VSTM4: variants seen among roughly 807,000 people sequenced by gnomAD.
The protein encoded by VSTM4 is V-set and transmembrane domain containing 4.
Under a neutral mutation model 36.4 loss-of-function variants are expected in VSTM4, and 20 were observed. That is an observed-to-expected ratio of 0.55 (90% CI 0.39 to 0.80). The LOEUF (loss-of-function observed/expected upper bound fraction) is 0.80, where lower values mean the gene tolerates loss of function less well. Among genes scored for constraint, VSTM4 ranks in the 30% least tolerant of loss-of-function variants. VSTM4 has a pLI of 0.00. For synonymous variants in VSTM4, 182 were observed against 173.9 expected, an observed-to-expected ratio of 1.05 and a Z score of -0.37; for missense variants, 392 against 404.5, an observed-to-expected ratio of 0.97 and a Z score of 0.26.
chr10:49,047,074 C>T (rs749408533), intron 6 of VSTM4, 30 bp from the exon 7 acceptor site: 2 of 1,604,992 alleles, frequency 1.2e-6, no homozygotes, highest in Non-Finnish European at 1.7e-6. Flanking sequence ...GTTTAGCTTG[C>T]AGTTCCTCCC....
chr10:49,081,789 CACA>C (rs1445146501), intron 3 of VSTM4, among the ~76,000 whole-genome samples: 8 of 152,244 alleles, frequency 5.3e-5, no homozygotes, highest in Non-Finnish European at 1.0e-4. Context: ...TCCCCACACA[CACA>C]AGACCGGTCA....
chr10:49,021,677 C>A (rs1843183978), intron 7 of VSTM4, among the ~76,000 whole-genome samples: 1 of 151,842 alleles, frequency 6.6e-6, no homozygotes, highest in African/African-American at 2.4e-5. Context: ...ATTTATTTGT[C>A]TTTCAAGTTG....
chr10:49,107,502 GC>G, intron 2 of VSTM4, 91 bp downstream of exon 2: 1 of 1,482,008 alleles, frequency 6.7e-7, no homozygotes, highest in South Asian at 1.4e-5. Flanking sequence ...GTGCAACACA[GC>G]CAACCCGGGA....
chr10:49,094,011 T>C (rs539418264), intron 2 of VSTM4, among the ~76,000 whole-genome samples: 2 of 152,284 alleles, frequency 1.3e-5, no homozygotes, highest in South Asian at 4.1e-4. Context: ...CCTCCCAAAG[T>C]GCTGGGATTA....
intron 7 of VSTM4, among the ~76,000 whole-genome samples, chr10:49,032,553 G>C (rs553048420): frequency 6.6e-6 from 1 of 152,258 alleles, no homozygotes; most frequent in Non-Finnish European, 1.5e-5. Context: ...TGCAACTTCA[G>C]CTCCTAGAAA....
At chr10:49,051,347 A>G (rs1490074106) in intron 5 of VSTM4, among the ~76,000 whole-genome samples, 2 of 150,448 alleles carry the variant, frequency 1.3e-5, no homozygotes, top group African/African-American at 2.5e-5. Context: ...GCAATATGCA[A>G]TTACCCTTCC....
At chr10:49,051,955 T>TG (rs1554831241) in intron 5 of VSTM4, among the ~76,000 whole-genome samples, 1 of 151,922 alleles carries the variant, frequency 6.6e-6, no homozygotes, top group South Asian at 2.1e-4. Context: ...ATTTTTCATA[T>TG]TTATATTCTC....
intron 7 of VSTM4, among the ~76,000 whole-genome samples, chr10:49,041,331 C>T (rs1309214859): frequency 2.0e-5 from 3 of 152,158 alleles, no homozygotes; most frequent in African/African-American, 7.2e-5. Flanking sequence ...GGTATAAAAG[C>T]TTCCAATTTC....
chr10:49,065,883 C>T (rs546511745), intron 4 of VSTM4, among the ~76,000 whole-genome samples: 1 of 152,000 alleles, frequency 6.6e-6, no homozygotes, highest in South Asian at 2.1e-4. Flanking sequence ...CTCGTTCAGC[C>T]TCCTATTAAT....
intron 2 of VSTM4, among the ~76,000 whole-genome samples, chr10:49,094,906 C>T (rs1001846459): frequency 2.6e-5 from 4 of 152,260 alleles, no homozygotes; most frequent in Middle Eastern, 3.4e-3. Flanking sequence ...CAAAGGCAGT[C>T]TCCCCTGGGG....
At chr10:49,099,645 C>T (rs183800761) in intron 2 of VSTM4, among the ~76,000 whole-genome samples, 1 of 152,326 alleles carries the variant, frequency 6.6e-6, no homozygotes, top group African/African-American at 2.4e-5. Flanking sequence ...GGATTTCTCA[C>T]CCAGTGAAAT....
At chr10:49,093,994 A>G (rs1004862574) in intron 2 of VSTM4, among the ~76,000 whole-genome samples, 3 of 151,640 alleles carry the variant, frequency 2.0e-5, no homozygotes, top group Non-Finnish European at 4.4e-5. Context: ...CGATCCACCC[A>G]CCTCGGCCTC....
intron 5 of VSTM4, 148 bp downstream of exon 5, chr10:49,064,555 C>A: frequency 1.1e-6 from 1 of 872,580 alleles, no homozygotes. Context: ...CATGCAAATG[C>A]ATGCAGGATA....
chr10:49,067,157 G>A (rs1037689828), intron 4 of VSTM4, among the ~76,000 whole-genome samples: 11 of 152,092 alleles, frequency 7.2e-5, no homozygotes, highest in African/African-American at 7.2e-5. Flanking sequence ...TACATCTTTC[G>A]CAACAATTTA....
At chr10:49,048,387 C>A in intron 6 of VSTM4, 91 bp downstream of exon 6, 2 of 1,152,722 alleles carry the variant, frequency 1.7e-6, no homozygotes, top group Non-Finnish European at 2.4e-6. Context: ...CATCTGCCTA[C>A]GCTCCCTGTC....
At chr10:49,043,186 T>C (rs539065744) in intron 7 of VSTM4, among the ~76,000 whole-genome samples, 1 of 152,322 alleles carries the variant, frequency 6.6e-6, no homozygotes, top group Non-Finnish European at 1.5e-5. Flanking sequence ...TGGCTGTGAA[T>C]TAAGATGTGC....
chr10:49,070,644 T>C (rs1240255200), intron 4 of VSTM4, among the ~76,000 whole-genome samples: 1 of 152,138 alleles, frequency 6.6e-6, no homozygotes, highest in African/African-American at 2.4e-5. Flanking sequence ...GAACCTTCAT[T>C]CCAATGTTAG....
At chr10:49,034,863 T>A (rs1195788759) in intron 7 of VSTM4, among the ~76,000 whole-genome samples, 1 of 152,190 alleles carries the variant, frequency 6.6e-6, no homozygotes, top group Admixed American at 6.5e-5. Flanking sequence ...TGAAATAGGC[T>A]TTAAAAATGT....
At chr10:49,023,824 G>T (rs573475832) in intron 7 of VSTM4, among the ~76,000 whole-genome samples, 2 of 152,304 alleles carry the variant, frequency 1.3e-5, no homozygotes, top group South Asian at 4.1e-4. Flanking sequence ...AGTACAAATT[G>T]TGGAACTCAG....
Sources: allele counts gnomAD v4.1 joint callset (sites outside exome capture counted in the v4.1 genomes callset), GRCh38; gene constraint gnomAD v4.1.1; transcripts MANE v1.5; gene names NCBI Gene and HGNC (gene_info 2026-07-23, HGNC 2026-07-21).